Variants in OSBPL8 observed in about 807,000 individuals in gnomAD.
OSBPL8 encodes the protein oxysterol binding protein like 8, also known as oxysterol-binding protein-related protein 8.
A neutral mutation model predicts 125.5 loss-of-function variants in OSBPL8; 59 were observed. The observed-to-expected ratio is 0.47, with a 90% CI of 0.38 to 0.58. The LOEUF (loss-of-function observed/expected upper bound fraction) is 0.58, where lower values mean the gene tolerates loss of function less well. OSBPL8 is among the 20% of genes least tolerant of loss of function. OSBPL8 has a pLI of 0.00. For missense variants in OSBPL8, 758 were observed against 1,047.8 expected, an observed-to-expected ratio of 0.72 and a Z score of 3.82; for synonymous variants, 330 against 338.9, an observed-to-expected ratio of 0.97 and a Z score of 0.29.
chr12:76,420,211 C>T (rs755912498), intron 4 of OSBPL8, among the ~76,000 whole-genome samples: 4 of 152,146 alleles, frequency 2.6e-5, no homozygotes, highest in Admixed American at 6.5e-5. Flanking sequence ...AGAATTGCTA[C>T]ATTAACTATA....
At chr12:76,507,145 C>G (rs1202870510) in intron 1 of OSBPL8, among the ~76,000 whole-genome samples, 1 of 151,672 alleles carries the variant, frequency 6.6e-6, no homozygotes, top group Non-Finnish European at 1.5e-5. Flanking sequence ...ACAATGTTCT[C>G]TCTATTGTTC....
Position 76,490,439 on chromosome 12 carries a change from C to T in OSBPL8, c.-67-2821G>A, listed in dbSNP as rs186844033. On this transcript the variant is annotated intron_variant, in intron 1 of 23. Transcript: ENST00000261183. ...GAAGAGAGGAGAAGCTGCTGGACGTCGGGGACTATGGCTGGACGTTGGAGA... is the reference window on the plus strand; with the variant it reads ...GAAGAGAGGAGAAGCTGCTGGACGTTGGGGACTATGGCTGGACGTTGGAGA... Among the ~76,000 whole-genome samples, 941 of 152,264 alleles carry T rather than the reference C, an allele frequency of 6.2e-3. 6 individuals are homozygous for T. The highest frequency in any genetic ancestry group is 0.037 in the Middle Eastern group (11 of 294).
intron 1 of OSBPL8, among the ~76,000 whole-genome samples, chr12:76,524,984 A>T (rs994433824): frequency 6.6e-6 from 1 of 152,138 alleles, no homozygotes. Flanking sequence ...GCGCCCAGCC[A>T]TAATTACAAT....
chr12:76,367,687 T>C (rs539463478), intron 21 of OSBPL8, among the ~76,000 whole-genome samples: 19 of 152,284 alleles, frequency 1.2e-4, no homozygotes, highest in African/African-American at 4.6e-4. Flanking sequence ...ACTGTTTCAA[T>C]TCCCTTCTCA....
chr12:76,379,435 G>C (rs1012039831), intron 15 of OSBPL8, among the ~76,000 whole-genome samples: 1 of 152,076 alleles, frequency 6.6e-6, no homozygotes, highest in Non-Finnish European at 1.5e-5. Flanking sequence ...TGAAATTTGA[G>C]TTTTGGAAAT....
intron 21 of OSBPL8, among the ~76,000 whole-genome samples, chr12:76,367,618 C>A (rs1321666323): frequency 6.6e-6 from 1 of 152,152 alleles, no homozygotes; most frequent in Non-Finnish European, 1.5e-5. Context: ...ACGTCATATA[C>A]GTTTTTTGTT....
At chr12:76,396,657 G>A (rs546727846) in intron 8 of OSBPL8, among the ~76,000 whole-genome samples, 4 of 152,140 alleles carry the variant, frequency 2.6e-5, no homozygotes, top group African/African-American at 7.2e-5. Flanking sequence ...GGGGGGCTGC[G>A]GTGGGAGAAC....
chr12:76,543,165 C>T (rs951142971), intron 1 of OSBPL8, among the ~76,000 whole-genome samples: 8 of 151,888 alleles, frequency 5.3e-5, no homozygotes, highest in African/African-American at 1.9e-4. Flanking sequence ...AGCACATCTG[C>T]CTAGCTCCTA....
chr12:76,397,149 G>A (rs1438256446), intron 8 of OSBPL8, among the ~76,000 whole-genome samples: 1 of 151,616 alleles, frequency 6.6e-6, no homozygotes. Flanking sequence ...AAACATTAAT[G>A]CTTCATCTTT....
In OSBPL8 at chr12:76,491,488, C is replaced by T. The variant is rs542492060; in HGVS notation, c.-67-3870G>A. 8.5e-5 allele frequency among the ~76,000 whole-genome samples: 13 copies of T among 152,278 alleles called. No individual in the cohort carries two copies. In the South Asian group the frequency reaches 2.7e-3, roughly 32 times the overall value. ...CTGGTGAAAACATTATTTAATTGGA[C>T]TTTGTAAGGTTGACATTTGGCTCCT... On this transcript the variant is annotated intron_variant, in intron 1 of 23. Transcript: ENST00000261183.
chr12:76,440,571 A>AT (rs1165371921), intron 4 of OSBPL8, among the ~76,000 whole-genome samples: 2 of 152,032 alleles, frequency 1.3e-5, no homozygotes, highest in African/African-American at 4.8e-5. Context: ...GATAATATGG[A>AT]TTTTGACCCC....
intron 14 of OSBPL8, 43 bp from the exon 15 acceptor site, chr12:76,384,393 C>T: frequency 1.9e-6 from 2 of 1,079,346 alleles, no homozygotes; most frequent in Non-Finnish European, 2.6e-6. Flanking sequence ...AATATAAAAA[C>T]ATGTTTATAT....
At position 76,390,660 on chromosome 12, in the gene OSBPL8, T is replaced by TA. The variant is rs752361225; in HGVS notation, c.930-4dup. ...GTTCAATTTCACTATCATTTAACCTTAAGGGAAAGAATTTTTAGGAGGAAG... is the reference window on the plus strand; with the variant it reads ...GTTCAATTTCACTATCATTTAACCTTAAAGGGAAAGAATTTTTAGGAGGAAG... On this transcript the variant is annotated splice_polypyrimidine_tract_variant and splice_region_variant and intron_variant, in intron 10 of 23. Transcript: ENST00000261183. 16 of 1,573,724 alleles carry TA rather than the reference T, an allele frequency of 1.0e-5. No homozygotes were observed. In the African/African-American group the frequency reaches 2.2e-4, roughly 21 times the overall value.
intron 12 of OSBPL8, among the ~76,000 whole-genome samples, chr12:76,388,412 A>C (rs1953411766): frequency 6.6e-6 from 1 of 152,204 alleles, no homozygotes; most frequent in Non-Finnish European, 1.5e-5. Flanking sequence ...TCTTGGCAAC[A>C]GTGTGTAATG....
intron 3 of OSBPL8, among the ~76,000 whole-genome samples, chr12:76,452,867 C>T (rs1233632332): frequency 6.6e-6 from 1 of 152,124 alleles, no homozygotes; most frequent in Non-Finnish European, 1.5e-5. Flanking sequence ...TGGAATATTC[C>T]TACCCCAGAT....
intron 2 of OSBPL8, among the ~76,000 whole-genome samples, chr12:76,461,568 A>C (rs1413487479): frequency 1.3e-5 from 2 of 152,052 alleles, no homozygotes; most frequent in Admixed American, 1.3e-4. Flanking sequence ...CTTCTGCCTC[A>C]GCCTCCTGAG....
intron 5 of OSBPL8, 117 bp from the exon 6 acceptor site, chr12:76,402,883 T>C (rs1555214399): frequency 1.0e-5 from 7 of 692,102 alleles, no homozygotes; most frequent in East Asian, 2.7e-5. Context: ...TTTAAGCAAA[T>C]GTCAATTTTC....
chr12:76,541,325 A>G (rs898184632), intron 1 of OSBPL8, among the ~76,000 whole-genome samples: 5 of 151,982 alleles, frequency 3.3e-5, no homozygotes, highest in African/African-American at 1.2e-4. Flanking sequence ...TAAAAACACA[A>G]AAATTAGTCA....
chr12:76,369,961 C>T (rs1405434370), intron 19 of OSBPL8, 139 bp from the exon 20 acceptor site: 1 of 743,748 alleles, frequency 1.3e-6, no homozygotes, highest in South Asian at 2.3e-5. Flanking sequence ...TGCTCATAGG[C>T]TTAGAAATGA....
Sources: gnomAD v4.1 joint callset for allele counts (sites outside exome capture counted in the v4.1 genomes callset) on GRCh38, gnomAD v4.1.1 for gene constraint, MANE v1.5 for transcripts, NCBI Gene and HGNC (gene_info 2026-07-23, HGNC 2026-07-21) for gene names.